Variants in MID1 observed in about 807,000 individuals in gnomAD.
The protein encoded by MID1 is E3 ubiquitin-protein ligase Midline-1.
A neutral mutation model predicts 40.4 loss-of-function variants in MID1; 7 were observed. That is an observed-to-expected ratio of 0.17 (90% CI 0.10 to 0.33). The LOEUF is 0.33. MID1 is among the 10% of genes least tolerant of loss of function. The pLI is 1.00. For missense variants in MID1, 367 were observed against 558.5 expected, an observed-to-expected ratio of 0.66 and a Z score of 3.46; for synonymous variants, 229 against 221.2, an observed-to-expected ratio of 1.04 and a Z score of -0.31.
At chrX:10,606,387 TATATA>T (rs1440240172) in intron 1 of MID1, among the ~76,000 whole-genome samples, 1 of 111,439 alleles carries the variant, frequency 9.0e-6, no homozygotes, top group Non-Finnish European at 1.9e-5. Context: ...TTCTATAATT[TATATA>T]ATAATTATTG....
chrX:10,601,406 T>A (rs1012765006), intron 1 of MID1, among the ~76,000 whole-genome samples: 1 of 112,676 alleles, frequency 8.9e-6, no homozygotes, highest in African/African-American at 3.2e-5. Flanking sequence ...ATTTTGTGAC[T>A]TGTGAAAATT....
intron 3 of MID1, among the ~76,000 whole-genome samples, chrX:10,514,611 G>C (rs1400674614): frequency 8.9e-6 from 1 of 112,267 alleles, no homozygotes; most frequent in African/African-American, 3.2e-5. Flanking sequence ...TGTTTCAACT[G>C]TCTTACTATT....
At chrX:10,656,489 C>G (rs1161365494) in intron 1 of MID1, among the ~76,000 whole-genome samples, 1 of 111,500 alleles carries the variant, frequency 9.0e-6, no homozygotes, top group Non-Finnish European at 1.9e-5. Flanking sequence ...ATTGCTGGAC[C>G]TACTGTCATC....
intron 1 of MID1, among the ~76,000 whole-genome samples, chrX:10,786,220 C>G (rs935662862): frequency 1.8e-5 from 2 of 111,667 alleles, no homozygotes; most frequent in African/African-American, 6.5e-5. Context: ...TGAAAAAATG[C>G]TCATCATCAC....
At chrX:10,664,707 A>G (rs1319673858) in intron 1 of MID1, among the ~76,000 whole-genome samples, 1 of 111,953 alleles carries the variant, frequency 8.9e-6, no homozygotes, top group African/African-American at 3.3e-5. Context: ...ACCATATTTC[A>G]TTTCCACTAA....
intron 1 of MID1, among the ~76,000 whole-genome samples, chrX:10,636,051 G>A (rs1299557741): frequency 1.8e-5 from 2 of 112,338 alleles, no homozygotes; most frequent in Non-Finnish European, 3.8e-5. Context: ...TTGTTAGATA[G>A]AGAGAAAGGA....
chrX:10,524,701 T>C (rs758561497), intron 2 of MID1, among the ~76,000 whole-genome samples: 6 of 112,471 alleles, frequency 5.3e-5, no homozygotes, highest in Non-Finnish European at 1.1e-4. Flanking sequence ...TGGATGACTG[T>C]ACAAACTGGG....
At chrX:10,782,982 A>G (rs2043857118) in intron 1 of MID1, among the ~76,000 whole-genome samples, 1 of 111,818 alleles carries the variant, frequency 8.9e-6, no homozygotes, top group African/African-American at 3.3e-5. Flanking sequence ...GGTGCATGCT[A>G]AAGTTTGAGA....
chrX:10,676,844 G>A (rs998921236), intron 1 of MID1, among the ~76,000 whole-genome samples: 1 of 111,314 alleles, frequency 9.0e-6, no homozygotes, highest in African/African-American at 3.3e-5. Context: ...GAATACGATA[G>A]GTCATGGCGA....
intron 1 of MID1, among the ~76,000 whole-genome samples, chrX:10,797,292 G>A (rs2043973901): frequency 9.0e-6 from 1 of 111,588 alleles, no homozygotes; most frequent in Non-Finnish European, 1.9e-5. Flanking sequence ...AATTGGGCCT[G>A]TCCAGCAGAG....
At chrX:10,638,207 C>T (rs1329207991) in intron 1 of MID1, among the ~76,000 whole-genome samples, 1 of 111,773 alleles carries the variant, frequency 8.9e-6, no homozygotes, top group Non-Finnish European at 1.9e-5. Flanking sequence ...CAGGGCAGGG[C>T]GTTGCCTCAC....
intron 1 of MID1, among the ~76,000 whole-genome samples, chrX:10,810,386 G>C (rs1167507456): frequency 1.8e-5 from 2 of 111,808 alleles, no homozygotes; most frequent in African/African-American, 6.5e-5. Flanking sequence ...TCCATTGTAT[G>C]GGTATATCAC....
chrX:10,696,243 C>T (rs2043163001), intron 1 of MID1, among the ~76,000 whole-genome samples: 1 of 111,609 alleles, frequency 9.0e-6, no homozygotes, highest in Middle Eastern at 4.6e-3. Flanking sequence ...GGGAAAAATG[C>T]CTCAAGTGAG....
At chrX:10,743,176 T>C (rs1414618768) in intron 1 of MID1, among the ~76,000 whole-genome samples, 1 of 112,444 alleles carries the variant, frequency 8.9e-6, no homozygotes, top group Non-Finnish European at 1.9e-5. Flanking sequence ...CAGCGGCTGA[T>C]TCTTGGGCTG....
intron 1 of MID1, among the ~76,000 whole-genome samples, chrX:10,609,723 T>C (rs1486896939): frequency 2.0e-5 from 2 of 100,230 alleles, no homozygotes; most frequent in East Asian, 6.0e-4. Flanking sequence ...TTCTTTTTTT[T>C]TTTTTTTTTT....
intron 1 of MID1, among the ~76,000 whole-genome samples, chrX:10,646,541 A>G (rs761809970): frequency 9.0e-6 from 1 of 111,364 alleles, no homozygotes; most frequent in East Asian, 2.8e-4. Context: ...ACCATAGGGG[A>G]AGGAAATTTT....
intron 2 of MID1, among the ~76,000 whole-genome samples, chrX:10,533,327 GGAAAGAAA>G (rs35811442): frequency 0.044 from 2,123 of 47,737 alleles, 73 homozygotes; most frequent in Non-Finnish European, 0.05. Flanking sequence ...AAGAAAGAAA[GGAAAGAAA>G]GAAAGAAAGA....
At chrX:10,756,018 CTG>C (rs1270951631) in intron 1 of MID1, among the ~76,000 whole-genome samples, 2 of 112,319 alleles carry the variant, frequency 1.8e-5, no homozygotes, top group East Asian at 5.6e-4. Context: ...GAATTCTACT[CTG>C]TGATGTGAAT....
chrX:10,514,688 T>G (rs1008457095), intron 3 of MID1, among the ~76,000 whole-genome samples: 2 of 112,433 alleles, frequency 1.8e-5, no homozygotes, highest in Admixed American at 9.4e-5. Context: ...GATAAATTTC[T>G]GTGCAGACCA....
Sources: allele counts gnomAD v4.1 joint callset (sites outside exome capture counted in the v4.1 genomes callset), GRCh38; gene constraint gnomAD v4.1.1; transcripts MANE v1.5; gene names NCBI Gene and HGNC (gene_info 2026-07-23, HGNC 2026-07-21).